The following RIC1 variants were observed in gnomAD, a reference collection of about 807,000 sequenced individuals.
RIC1 encodes guanine nucleotide exchange factor subunit RIC1.
In RIC1, 88 loss-of-function variants were observed where a neutral mutation model predicts 169.0. The observed-to-expected ratio is 0.52, with a 90% CI of 0.44 to 0.62. The LOEUF (loss-of-function observed/expected upper bound fraction) is 0.62, where lower values mean the gene tolerates loss of function less well. Ranked by LOEUF, RIC1 falls within the 20% of genes least tolerant of loss-of-function variation. The pLI, the probability that RIC1 is intolerant of heterozygous loss-of-function variation, is 0.00. For synonymous variants in RIC1, 790 were observed against 601.5 expected, an observed-to-expected ratio of 1.31 and a Z score of -4.59; for missense variants, 1,877 against 1,725.5, an observed-to-expected ratio of 1.09 and a Z score of -1.56.
chr9:5,758,263 A>G (rs1335258845), intron 17 of RIC1, among the ~76,000 whole-genome samples: 1 of 152,218 alleles, frequency 6.6e-6, no homozygotes, highest in Non-Finnish European at 1.5e-5. Context: ...CCCACGTTGC[A>G]TAACTTTCTA....
At chr9:5,705,565 C>A (rs1822534672) in intron 3 of RIC1, among the ~76,000 whole-genome samples, 2 of 152,126 alleles carry the variant, frequency 1.3e-5, no homozygotes, top group South Asian at 4.1e-4. Flanking sequence ...ATATACTATA[C>A]TATTATGACA....
At chr9:5,707,614 A>G (rs775376749) in intron 3 of RIC1, among the ~76,000 whole-genome samples, 23 of 152,192 alleles carry the variant, frequency 1.5e-4, no homozygotes, top group Non-Finnish European at 2.8e-4. Flanking sequence ...TTTGATCATT[A>G]TAAAAATCCT....
chr9:5,769,361 A>C, intron 22 of RIC1, 105 bp downstream of exon 22: 1 of 1,610,982 alleles, frequency 6.2e-7, no homozygotes, highest in South Asian at 1.1e-5. Flanking sequence ...TTCATTCCAA[A>C]CTTAGGAATG....
intron 25 of RIC1, among the ~76,000 whole-genome samples, 161 bp from the exon 26 acceptor site, chr9:5,773,797 C>G (rs1477366899): frequency 6.6e-6 from 1 of 152,218 alleles, no homozygotes; most frequent in African/African-American, 2.4e-5. Flanking sequence ...CTGGGCAGGA[C>G]AGCCAAGAAG....
intron 17 of RIC1, among the ~76,000 whole-genome samples, chr9:5,762,316 T>G (rs1342023868): frequency 6.6e-6 from 1 of 152,150 alleles, no homozygotes; most frequent in Non-Finnish European, 1.5e-5. Context: ...CCCTCAATCT[T>G]ATGTCACTGG....
At chr9:5,725,072 A>G (rs1475952398) in intron 6 of RIC1, among the ~76,000 whole-genome samples, 1 of 152,220 alleles carries the variant, frequency 6.6e-6, no homozygotes, top group African/African-American at 2.4e-5. Flanking sequence ...CAGGCCTCAT[A>G]AAATGAGTTA....
chr9:5,778,455 C>T (rs371990185), downstream of RIC1, among the ~76,000 whole-genome samples: 25 of 152,270 alleles, frequency 1.6e-4, 1 homozygote, highest in South Asian at 1.7e-3. Context: ...TAGTGGATAT[C>T]CTTGTCTTCT....
At position 5,629,287 on chromosome 9, in the gene RIC1, G is replaced by A. The variant is rs1330011672; in HGVS notation, c.-23G>A. ...CTGAGTGTGACGGACGCAACTGGGG[G>A]CGCCGGGGGCTCCGCACGGACCATG... On this transcript the variant is annotated 5_prime_UTR_variant, in exon 1 of 26. Coordinates refer to ENST00000414202, the MANE Select transcript of RIC1 (RefSeq NM_020829.4). 4 of 1,468,646 alleles carry A rather than the reference G, an allele frequency of 2.7e-6. No homozygotes were observed. Among genetic ancestry groups the A allele is most frequent in the East Asian group, 2.9e-5 (1 of 34,200 alleles). 91.0% of individuals were successfully genotyped at this position (1,468,646 alleles called of 1,614,324 possible). A position where few individuals can be genotyped will look rare whatever the true frequency, so the allele number is the denominator to read the frequency against.
chr9:5,732,517 T>C (rs1245038312), intron 7 of RIC1, 38 bp downstream of exon 7: 3 of 1,390,026 alleles, frequency 2.2e-6, no homozygotes, highest in African/African-American at 1.5e-5. Context: ...TTAAGAGTTG[T>C]TGCAAAAAAT....
chr9:5,680,450 A>G (rs974272934), intron 2 of RIC1, among the ~76,000 whole-genome samples: 3 of 152,184 alleles, frequency 2.0e-5, no homozygotes, highest in Admixed American at 6.5e-5. Flanking sequence ...GGTAGAATTC[A>G]GCTGTGAATC....
chr9:5,694,518 A>G (rs1477461973), intron 3 of RIC1, among the ~76,000 whole-genome samples: 1 of 152,216 alleles, frequency 6.6e-6, no homozygotes, highest in African/African-American at 2.4e-5. Context: ...GTAAATGTAC[A>G]TGGGTGACCT....
At chr9:5,777,169 CTGTT>C (rs1302185776), downstream of RIC1, among the ~76,000 whole-genome samples, 1 of 152,032 alleles carries the variant, frequency 6.6e-6, no homozygotes, top group African/African-American at 2.4e-5. Context: ...AGAAAAATGT[CTGTT>C]TAATTAGGTC....
rs184575719 is a variant in RIC1 at position 5,699,016 on chromosome 9, A to G, written c.332+8978A>G. 3.1e-4 allele frequency among the ~76,000 whole-genome samples: 47 copies of G among 152,358 alleles called. No individual in the cohort carries two copies. In the East Asian group the frequency reaches 8.5e-3, roughly 27 times the overall value. On this transcript the variant is annotated intron_variant, in intron 3 of 25. Transcript: ENST00000414202. ...TTGAGTCATGTATCAAATGTAAGCA[A>G]TAACAGACTTGACTCCTCTGGGGAA...
At chr9:5,652,349 A>G (rs1299077826) in intron 1 of RIC1, among the ~76,000 whole-genome samples, 5 of 152,120 alleles carry the variant, frequency 3.3e-5, no homozygotes, top group African/African-American at 1.2e-4. Context: ...TAAACATGGG[A>G]TATCTTTCCA....
At chr9:5,703,026 C>T (rs1186526219) in intron 3 of RIC1, among the ~76,000 whole-genome samples, 1 of 152,110 alleles carries the variant, frequency 6.6e-6, no homozygotes, top group Non-Finnish European at 1.5e-5. Flanking sequence ...GTAATTCCAC[C>T]CTTGTCCCCT....
chr9:5,738,369 C>A, intron 7 of RIC1, 81 bp from the exon 8 acceptor site: 1 of 949,170 alleles, frequency 1.1e-6, no homozygotes, highest in Non-Finnish European at 1.6e-6. Context: ...CTCCCACCAG[C>A]AAAACATAAG....
intron 10 of RIC1, 57 bp from the exon 11 acceptor site, chr9:5,745,874 G>A (rs1485074768): frequency 4.2e-6 from 6 of 1,428,554 alleles, no homozygotes; most frequent in Non-Finnish European, 5.8e-6. Flanking sequence ...AAGCTAGAAA[G>A]GGATACAAAA....
At chr9:5,683,871 C>T (rs1821022611) in intron 2 of RIC1, among the ~76,000 whole-genome samples, 1 of 152,146 alleles carries the variant, frequency 6.6e-6, no homozygotes, top group Admixed American at 6.5e-5. Flanking sequence ...AGCCTCGCTG[C>T]CACCTTGCAG....
At chr9:5,673,933 A>C (rs1820279372) in intron 2 of RIC1, among the ~76,000 whole-genome samples, 1 of 152,170 alleles carries the variant, frequency 6.6e-6, no homozygotes, top group South Asian at 2.1e-4. Context: ...ATAAAACTGT[A>C]TGATAGCTTT....
Sources: allele counts gnomAD v4.1 joint callset (sites outside exome capture counted in the v4.1 genomes callset), GRCh38; gene constraint gnomAD v4.1.1; transcripts MANE v1.5; gene names NCBI Gene and HGNC (gene_info 2026-07-23, HGNC 2026-07-21).